Variants in SIPA1L3 observed in about 807,000 individuals in gnomAD.
SIPA1L3 encodes the protein signal induced proliferation associated 1 like 3, also known as signal-induced proliferation-associated 1-like protein 3.
In SIPA1L3, 59 loss-of-function variants were observed where a neutral mutation model predicts 150.1. The ratio of observed to expected loss-of-function variants is 0.39; its 90% CI spans 0.32 to 0.49. SIPA1L3 has a LOEUF of 0.49. Among genes scored for constraint, SIPA1L3 ranks in the 20% least tolerant of loss-of-function variants. The pLI, the probability that SIPA1L3 is intolerant of heterozygous loss-of-function variation, is 0.86. For missense variants in SIPA1L3, 2,211 were observed against 2,489.5 expected, an observed-to-expected ratio of 0.89 and a Z score of 2.38; for synonymous variants, 1,070 against 1,077.6, an observed-to-expected ratio of 0.99 and a Z score of 0.14.
intron 2 of SIPA1L3, among the ~76,000 whole-genome samples, chr19:38,042,779 C>T (rs956996669): frequency 6.6e-6 from 1 of 152,214 alleles, no homozygotes; most frequent in Non-Finnish European, 1.5e-5. Flanking sequence ...GTTTGACCTT[C>T]CTGCGTGAGC....
At chr19:38,087,661 G>A (rs899012198) in intron 3 of SIPA1L3, 2 of 152,390 alleles carry the variant, frequency 1.3e-5, no homozygotes, top group Non-Finnish European at 2.9e-5. Context: ...CAGCTGTCAG[G>A]TAGACGAGGG....
chr19:38,197,562 C>T (rs980049840), intron 18 of SIPA1L3, among the ~76,000 whole-genome samples: 2 of 151,968 alleles, frequency 1.3e-5, no homozygotes, highest in African/African-American at 4.8e-5. Flanking sequence ...CTCTCCTCGT[C>T]GCCAGCTCCT....
chr19:38,040,377 T>TA (rs1175285416), intron 2 of SIPA1L3, among the ~76,000 whole-genome samples: 1 of 147,580 alleles, frequency 6.8e-6, no homozygotes, highest in African/African-American at 2.5e-5. Flanking sequence ...TTTTTTTTTT[T>TA]AATGCCCCTT....
chr19:38,035,340 A>C (rs1968755619), intron 2 of SIPA1L3, among the ~76,000 whole-genome samples: 1 of 152,154 alleles, frequency 6.6e-6, no homozygotes, highest in South Asian at 2.1e-4. Flanking sequence ...CTTGCTGGGC[A>C]CGAGGCTTAC....
At chr19:37,945,574 C>T (rs542201394) in intron 1 of SIPA1L3, among the ~76,000 whole-genome samples, 6 of 151,982 alleles carry the variant, frequency 3.9e-5, no homozygotes, top group East Asian at 3.9e-4. Flanking sequence ...GTGAGTACCG[C>T]AGTTTGTTTT....
chr19:37,931,621 A>C (rs1199854024), intron 1 of SIPA1L3, among the ~76,000 whole-genome samples: 1 of 152,060 alleles, frequency 6.6e-6, no homozygotes, highest in Non-Finnish European at 1.5e-5. Flanking sequence ...GTGATGGTGC[A>C]CGCCTGTAAT....
intron 15 of SIPA1L3, among the ~76,000 whole-genome samples, chr19:38,167,231 C>CAAAA (rs370193698): frequency 1.1e-4 from 10 of 87,502 alleles, no homozygotes; most frequent in South Asian, 4.4e-4. Flanking sequence ...GATTCCATCT[C>CAAAA]AAAAAAAAAA....
chr19:37,960,812 CCAAAGT>C (rs1188619943), intron 1 of SIPA1L3, among the ~76,000 whole-genome samples: 3 of 152,026 alleles, frequency 2.0e-5, no homozygotes, highest in Non-Finnish European at 4.4e-5. Context: ...CCTTGACCTC[CCAAAGT>C]ACTGGGATTA....
At chr19:38,140,800 A>G (rs1032948882) in intron 10 of SIPA1L3, among the ~76,000 whole-genome samples, 4 of 151,962 alleles carry the variant, frequency 2.6e-5, no homozygotes, top group Non-Finnish European at 4.4e-5. Context: ...GCTCACTCCT[A>G]TAATCCCAGC....
In SIPA1L3 at chr19:38,164,692, G is replaced by A. The variant is rs779170658; in HGVS notation, c.3994G>A (p.Ala1332Thr). 15 of 1,613,642 alleles carry A rather than the reference G, an allele frequency of 9.3e-6. 1 individual carries two copies. The highest frequency in any genetic ancestry group is 1.6e-4 in the Middle Eastern group (1 of 6,084). Reference protein sequence around the residue: ...CMSLAKAPRPAKPHKPPGSMG... With the variant: ...CMSLAKAPRPTKPHKPPGSMG... ...GTCCCTGGCCAAGGCTCCACGGCCC[G>A]CCAAGCCACACAAGCCCCCTGGAAG... Residue 1332 changes from alanine to threonine, a missense_variant, in exon 15 of 22, where the codon GCC becomes ACC. By Grantham distance (58) the Ala-to-Thr change is moderately conservative. Transcript: ENST00000222345. The surrounding 1 kb of genome is among the most constrained non-coding windows in gnomAD (Gnocchi z 4.1).
intron 10 of SIPA1L3, among the ~76,000 whole-genome samples, chr19:38,133,862 G>A (rs373558563): frequency 3.3e-5 from 5 of 152,204 alleles, no homozygotes; most frequent in African/African-American, 1.2e-4. Context: ...CAGACCCAGT[G>A]AATTTGTGAC....
chr19:37,968,875 A>G (rs567070805), intron 1 of SIPA1L3, among the ~76,000 whole-genome samples: 8 of 152,198 alleles, frequency 5.3e-5, no homozygotes, highest in Non-Finnish European at 5.9e-5. Context: ...AACCATTGCT[A>G]TGACCAGGGA....
intron 2 of SIPA1L3, among the ~76,000 whole-genome samples, chr19:38,055,313 G>T (rs946219334): frequency 2.6e-4 from 39 of 152,170 alleles, no homozygotes; most frequent in Admixed American, 2.6e-4. Context: ...CAGGGAGCAG[G>T]CTCCTTCTGA....
At chr19:37,982,169 G>T (rs1282521017) in intron 1 of SIPA1L3, among the ~76,000 whole-genome samples, 1 of 152,160 alleles carries the variant, frequency 6.6e-6, no homozygotes, top group East Asian at 1.9e-4. Flanking sequence ...ACAATTTAAT[G>T]TCCCAGATCA....
At chr19:37,973,203 T>G (rs1313894247) in intron 1 of SIPA1L3, among the ~76,000 whole-genome samples, 1 of 151,200 alleles carries the variant, frequency 6.6e-6, no homozygotes, top group East Asian at 1.9e-4. Flanking sequence ...AGTTTGGCTT[T>G]GGGGACCATG....
intron 1 of SIPA1L3, among the ~76,000 whole-genome samples, chr19:37,942,921 C>T (rs1244545121): frequency 6.6e-6 from 1 of 151,730 alleles, no homozygotes; most frequent in Non-Finnish European, 1.5e-5. Context: ...ACAGGTTTTC[C>T]AGGCTGGTCT....
chr19:37,943,312 G>T (rs1207357449), intron 1 of SIPA1L3, among the ~76,000 whole-genome samples: 1 of 152,084 alleles, frequency 6.6e-6, no homozygotes, highest in Non-Finnish European at 1.5e-5. Context: ...GTTGGGGCTG[G>T]ATTGGAACGT....
chr19:38,126,854 A>G (rs1305385403), intron 9 of SIPA1L3, among the ~76,000 whole-genome samples: 1 of 152,092 alleles, frequency 6.6e-6, no homozygotes, highest in Admixed American at 6.6e-5. Context: ...CTTTTTAATT[A>G]TAGAAAATTG....
chr19:38,043,690 A>G (rs1968980613), intron 2 of SIPA1L3, among the ~76,000 whole-genome samples: 1 of 152,218 alleles, frequency 6.6e-6, no homozygotes, highest in African/African-American at 2.4e-5. Flanking sequence ...ATTACTAGTT[A>G]AAGTGCTTAC....
Sources: allele counts gnomAD v4.1 joint callset (sites outside exome capture counted in the v4.1 genomes callset), GRCh38; gene constraint gnomAD v4.1.1; non-coding constraint Gnocchi (gnomAD v3.1); transcripts MANE v1.5; gene names NCBI Gene and HGNC (gene_info 2026-07-23, HGNC 2026-07-21).